Variants in RPTOR observed in about 807,000 individuals in gnomAD.
The protein encoded by RPTOR is regulatory associated protein of MTOR complex 1.
Under a neutral mutation model 169.9 loss-of-function variants are expected in RPTOR, and 21 were observed. The ratio of observed to expected loss-of-function variants is 0.12; its 90% CI spans 0.09 to 0.18. The LOEUF (loss-of-function observed/expected upper bound fraction) is 0.18, where lower values mean the gene tolerates loss of function less well. Ranked by LOEUF, RPTOR falls within the 10% of genes least tolerant of loss-of-function variation. RPTOR has a pLI of 1.00. For synonymous variants in RPTOR, 732 were observed against 753.2 expected, an observed-to-expected ratio of 0.97 and a Z score of 0.46; for missense variants, 1,133 against 1,855.9, an observed-to-expected ratio of 0.61 and a Z score of 7.16.
At chr17:80,637,124 G>T (rs1483204604) in intron 2 of RPTOR, among the ~76,000 whole-genome samples, 1 of 152,220 alleles carries the variant, frequency 6.6e-6, no homozygotes, top group African/African-American at 2.4e-5. Flanking sequence ...GGTCTGTGCT[G>T]ATGTCAGAGG....
intron 28 of RPTOR, among the ~76,000 whole-genome samples, chr17:80,949,867 G>A (rs574311237): frequency 9.8e-5 from 15 of 152,362 alleles, no homozygotes; most frequent in South Asian, 4.1e-4. Flanking sequence ...TAAAGGGCCC[G>A]CATCACGGGG....
intron 6 of RPTOR, among the ~76,000 whole-genome samples, chr17:80,763,045 G>A (rs1238179174): frequency 3.9e-5 from 6 of 152,206 alleles, no homozygotes; most frequent in South Asian, 2.1e-4. Context: ...AAAGCAAAAC[G>A]TTTAAGCCTG....
chr17:80,854,884 C>A (rs545509380), intron 11 of RPTOR, among the ~76,000 whole-genome samples: 2 of 152,256 alleles, frequency 1.3e-5, no homozygotes, highest in East Asian at 3.9e-4. Context: ...CAGAGCAAGA[C>A]CCTATCTCAA....
At chr17:80,933,087 C>T (rs1046548210) in intron 24 of RPTOR, among the ~76,000 whole-genome samples, 1 of 152,216 alleles carries the variant, frequency 6.6e-6, no homozygotes, top group African/African-American at 2.4e-5. Flanking sequence ...CAAACATATC[C>T]TCTCTTGCCA....
chr17:80,706,677 T>C (rs1598241940), intron 3 of RPTOR, among the ~76,000 whole-genome samples: 1 of 152,230 alleles, frequency 6.6e-6, no homozygotes. Context: ...CAAGGCCAGG[T>C]TGCCCTCAGG....
intron 1 of RPTOR, among the ~76,000 whole-genome samples, chr17:80,596,856 A>G (rs1178613601): frequency 1.3e-5 from 2 of 152,126 alleles, no homozygotes; most frequent in African/African-American, 4.8e-5. Flanking sequence ...CTCAAAGCAA[A>G]ATGTAATTTC....
intron 15 of RPTOR, 74 bp downstream of exon 15, chr17:80,883,558 G>A (rs1436428543): frequency 2.0e-6 from 3 of 1,480,408 alleles, no homozygotes; most frequent in South Asian, 1.1e-5. Flanking sequence ...ACTGTGAAAC[G>A]TGGTGCCACA....
intron 3 of RPTOR, among the ~76,000 whole-genome samples, chr17:80,675,749 A>G (rs2065857195): frequency 6.6e-6 from 1 of 152,104 alleles, no homozygotes; most frequent in African/African-American, 2.4e-5. Context: ...CTCTCACACC[A>G]GCACATCCGT....
intron 11 of RPTOR, among the ~76,000 whole-genome samples, chr17:80,854,726 T>G (rs765746325): frequency 1.1e-4 from 17 of 152,140 alleles, no homozygotes; most frequent in Non-Finnish European, 2.2e-4. Context: ...GACCCCCATC[T>G]CTATAAAAAA....
At chr17:80,735,126 G>A (rs1197284380) in intron 5 of RPTOR, among the ~76,000 whole-genome samples, 1 of 152,226 alleles carries the variant, frequency 6.6e-6, no homozygotes, top group African/African-American at 2.4e-5. Flanking sequence ...CCCAGGTGTG[G>A]TTGAGGGGTG....
At chr17:80,839,180 G>A (rs1330649923) in intron 10 of RPTOR, among the ~76,000 whole-genome samples, 1 of 152,248 alleles carries the variant, frequency 6.6e-6, no homozygotes, top group African/African-American at 2.4e-5. Context: ...TGCATGAGGT[G>A]TGTGTGATGT....
intron 5 of RPTOR, among the ~76,000 whole-genome samples, chr17:80,739,770 A>G (rs2066467091): frequency 6.6e-6 from 1 of 152,244 alleles, no homozygotes; most frequent in Non-Finnish European, 1.5e-5. Context: ...AATATACAAC[A>G]TATCTGTATT....
At chr17:80,881,681 C>T (rs965951880) in intron 14 of RPTOR, among the ~76,000 whole-genome samples, 1 of 152,122 alleles carries the variant, frequency 6.6e-6, no homozygotes. Flanking sequence ...ATTTGTCTGG[C>T]GTTGTGGCAC....
At chr17:80,554,191 T>G (rs2084378810) in intron 1 of RPTOR, among the ~76,000 whole-genome samples, 2 of 151,624 alleles carry the variant, frequency 1.3e-5, no homozygotes, top group South Asian at 2.1e-4. Flanking sequence ...ATGCCTAGAT[T>G]TTTTTTTTGG....
At chr17:80,800,878 T>C (rs1186274060) in intron 7 of RPTOR, among the ~76,000 whole-genome samples, 3 of 152,226 alleles carry the variant, frequency 2.0e-5, no homozygotes, top group Non-Finnish European at 4.4e-5. Flanking sequence ...GTGATTAACA[T>C]TGATTGTGTA....
At chr17:80,686,011 A>G (rs181541016) in intron 3 of RPTOR, among the ~76,000 whole-genome samples, 263 of 152,054 alleles carry the variant, frequency 1.7e-3, no homozygotes, top group Non-Finnish European at 2.6e-3. Flanking sequence ...GCTTTCTAGA[A>G]GGGATTCAGG....
intron 5 of RPTOR, among the ~76,000 whole-genome samples, chr17:80,733,780 G>A (rs972204874): frequency 3.3e-5 from 5 of 152,376 alleles, no homozygotes; most frequent in Middle Eastern, 3.4e-3. Context: ...AAGAGGCTGC[G>A]TCACTCACGA....
intron 5 of RPTOR, among the ~76,000 whole-genome samples, chr17:80,738,086 T>A (rs1488479835): frequency 1.3e-5 from 2 of 151,778 alleles, no homozygotes; most frequent in African/African-American, 4.8e-5. Flanking sequence ...AGGAAATAGG[T>A]CACGGGAGAA....
At chr17:80,946,716 A>G (rs1240405412) in intron 26 of RPTOR, among the ~76,000 whole-genome samples, 1 of 152,208 alleles carries the variant, frequency 6.6e-6, no homozygotes, top group Non-Finnish European at 1.5e-5. Flanking sequence ...CTTATCATTC[A>G]TCTGTTCATG....
Sources: allele counts gnomAD v4.1 joint callset (sites outside exome capture counted in the v4.1 genomes callset), GRCh38; gene constraint gnomAD v4.1.1; transcripts MANE v1.5; gene names NCBI Gene and HGNC (gene_info 2026-07-23, HGNC 2026-07-21).